DNAAF9: variants seen among roughly 807,000 people sequenced by gnomAD.
DNAAF9 encodes shulin.
Under a neutral mutation model 167.0 loss-of-function variants are expected in DNAAF9, and 90 were observed. The observed-to-expected ratio is 0.54, with a 90% CI of 0.45 to 0.64. The LOEUF is 0.64. Among genes scored for constraint, DNAAF9 ranks in the 30% least tolerant of loss-of-function variants. The pLI, the probability that DNAAF9 is intolerant of heterozygous loss-of-function variation, is 0.00. For missense variants in DNAAF9, 1,315 were observed against 1,442.2 expected (o/e 0.91, Z 1.43); for synonymous variants, 491 against 508.8 (o/e 0.96, Z 0.47).
rs1376871054 is a variant in DNAAF9 at position 3,332,900 on chromosome 20, G to GTGGTGTGTGTGT, written c.982-540_982-539insACACACACACCA. Among the ~76,000 whole-genome samples, 263 of 146,930 alleles carry GTGGTGTGTGTGT rather than the reference G, an allele frequency of 1.8e-3. 2 individuals are homozygous for GTGGTGTGTGTGT. The highest frequency in any genetic ancestry group is 6.1e-3 in the African/African-American group (245 of 39,878). On this transcript the variant is annotated intron_variant, in intron 10 of 36. Coordinates refer to ENST00000252032, the MANE Select transcript of DNAAF9 (RefSeq NM_001009984.3). ...CATGCGTGTGTGCGTGTGTGCGTGT[G>GTGGTGTGTGTGT]GTGTGTGTGTGTGTGTGTGTGTGTG...
At chr20:3,275,686 G>A (rs2068665118) in intron 29 of DNAAF9, among the ~76,000 whole-genome samples, 1 of 152,252 alleles carries the variant, frequency 6.6e-6, no homozygotes, top group African/African-American at 2.4e-5. Context: ...AGCACAGGGT[G>A]AACAGGCCAT....
chr20:3,327,400 T>C (rs928397730), intron 12 of DNAAF9, among the ~76,000 whole-genome samples: 2 of 151,984 alleles, frequency 1.3e-5, no homozygotes, highest in African/African-American at 4.8e-5. Flanking sequence ...TACAATAGAA[T>C]TGCCCTTGGT....
intron 18 of DNAAF9, chr20:3,316,032 G>T: frequency 1.8e-6 from 1 of 553,474 alleles, no homozygotes; most frequent in Non-Finnish European, 3.2e-6. Context: ...GACAAGCAGA[G>T]GGGATGTGTT....
chr20:3,405,787 C>A (rs146226430), intron 1 of DNAAF9, among the ~76,000 whole-genome samples: 55 of 152,320 alleles, frequency 3.6e-4, no homozygotes, highest in Non-Finnish European at 6.9e-4. Flanking sequence ...TCAACAGACT[C>A]AAATCCAAAT....
intron 16 of DNAAF9, among the ~76,000 whole-genome samples, chr20:3,319,647 C>G (rs945436630): frequency 1.3e-4 from 20 of 152,060 alleles, no homozygotes; most frequent in African/African-American, 4.8e-4. Flanking sequence ...GACGCCTGTC[C>G]CACCCCTTAG....
chr20:3,376,451 C>A, intron 3 of DNAAF9, 149 bp from the exon 4 acceptor site: 1 of 656,254 alleles, frequency 1.5e-6, no homozygotes, highest in Non-Finnish European at 2.4e-6. Context: ...AAGCACTGTG[C>A]CTTGTAAACC....
At chr20:3,407,366 G>A (rs978049897) in intron 1 of DNAAF9, 109 bp downstream of exon 1, 9 of 941,000 alleles carry the variant, frequency 9.6e-6, no homozygotes, top group Non-Finnish European at 1.1e-5. Flanking sequence ...GCAAAGAACC[G>A]TCCCGAGGAA....
chr20:3,278,804 G>C lies in DNAAF9; in HGVS notation c.2650+108C>G, dbSNP rs960005018. ...GTCAAAGTTTTTTCTGACCAATTTTGTTTGCTTTAGATTTCAGAATGGTAG... is the reference window on the plus strand; with the variant it reads ...GTCAAAGTTTTTTCTGACCAATTTTCTTTGCTTTAGATTTCAGAATGGTAG... On this transcript the variant is annotated intron_variant, in intron 29 of 36. Transcript: ENST00000252032. 1.8e-5 allele frequency: 16 copies of C among 866,406 alleles called. No homozygotes were observed. The African/African-American group carries it at 2.5e-4, about 13-fold the overall frequency. 53.7% of individuals were successfully genotyped at this position (866,406 alleles called of 1,614,324 possible).
intron 30 of DNAAF9, among the ~76,000 whole-genome samples, chr20:3,265,980 T>A (rs988265205): frequency 2.6e-5 from 4 of 152,230 alleles, no homozygotes; most frequent in Admixed American, 2.0e-4. Context: ...GCACCCGGCC[T>A]AAATTTATCA....
chr20:3,388,718 T>C (rs239490), intron 1 of DNAAF9, among the ~76,000 whole-genome samples: 59,353 of 151,948 alleles, frequency 0.39, 11,921 homozygotes, highest in Middle Eastern at 0.56. Flanking sequence ...TTCTACTTTT[T>C]TATGAGGTAC....
At chr20:3,393,572 GT>G (rs1273845729) in intron 1 of DNAAF9, among the ~76,000 whole-genome samples, 3 of 152,126 alleles carry the variant, frequency 2.0e-5, no homozygotes, top group African/African-American at 7.2e-5. Flanking sequence ...GTATTATTTT[GT>G]TTTTATTTAA....
At chr20:3,260,314 C>A in intron 31 of DNAAF9, among the ~76,000 whole-genome samples, 1 of 152,056 alleles carries the variant, frequency 6.6e-6, no homozygotes, top group African/African-American at 2.4e-5. Context: ...AGTCCGCAGT[C>A]CGGCCTGGGC....
At chr20:3,293,318 A>AAAAAAG (rs1399533856) in intron 25 of DNAAF9, among the ~76,000 whole-genome samples, 4 of 149,764 alleles carry the variant, frequency 2.7e-5, no homozygotes, top group Non-Finnish European at 5.9e-5. Flanking sequence ...AAAAAAAAAA[A>AAAAAAG]AGAGACTTAT....
intron 36 of DNAAF9, 119 bp downstream of exon 36, chr20:3,253,605 GCA>G (rs1411114762): frequency 1.5e-6 from 1 of 689,594 alleles, no homozygotes; most frequent in African/African-American, 1.8e-5. Context: ...CAGTGGACAT[GCA>G]GAGTGCTCCT....
chr20:3,301,378 G>T (rs966653635), intron 21 of DNAAF9, among the ~76,000 whole-genome samples: 2 of 152,054 alleles, frequency 1.3e-5, no homozygotes, highest in South Asian at 2.1e-4. Flanking sequence ...AGTAGAGACG[G>T]CATTTCACCA....
chr20:3,297,979 A>AG (rs2069111370), intron 22 of DNAAF9, 50 bp downstream of exon 22: 2 of 1,451,038 alleles, frequency 1.4e-6, no homozygotes, highest in East Asian at 4.5e-5. Context: ...TTAAATTGCT[A>AG]GGGGGAAAAA....
chr20:3,319,390 T>C (rs893914135), intron 16 of DNAAF9, among the ~76,000 whole-genome samples: 5 of 151,648 alleles, frequency 3.3e-5, no homozygotes, highest in African/African-American at 1.2e-4. Flanking sequence ...CCCAAATGTC[T>C]GGTAAGAAAG....
intron 3 of DNAAF9, among the ~76,000 whole-genome samples, chr20:3,376,690 G>A (rs1158152012): frequency 6.6e-6 from 1 of 152,164 alleles, no homozygotes; most frequent in Admixed American, 6.5e-5. Flanking sequence ...GGAGTGAAAG[G>A]GTCCTTTCGT....
At chr20:3,335,757 CAAAAAAAAA>C (rs151182468) in intron 10 of DNAAF9, among the ~76,000 whole-genome samples, 1 of 98,212 alleles carries the variant, frequency 1.0e-5, no homozygotes, top group Non-Finnish European at 1.9e-5. Context: ...AACTCCGTCT[CAAAAAAAAA>C]AAAAAAAAAA....
Sources: allele counts gnomAD v4.1 joint callset (sites outside exome capture counted in the v4.1 genomes callset), GRCh38; gene constraint gnomAD v4.1.1; transcripts MANE v1.5; gene names NCBI Gene and HGNC (gene_info 2026-07-23, HGNC 2026-07-21).